The following SLC25A3 variants were observed in gnomAD, a reference collection of about 807,000 sequenced individuals.
SLC25A3 encodes the protein phosphate transport protein.
In SLC25A3, 14 loss-of-function variants were observed where a neutral mutation model predicts 37.1. The observed-to-expected ratio is 0.38, with a 90% CI of 0.25 to 0.59. The LOEUF (loss-of-function observed/expected upper bound fraction) is 0.59, where lower values mean the gene tolerates loss of function less well. Among genes scored for constraint, SLC25A3 ranks in the 20% least tolerant of loss-of-function variants. The pLI is 0.67. For synonymous variants in SLC25A3, 161 were observed against 168.7 expected, an observed-to-expected ratio of 0.95 and a Z score of 0.36; for missense variants, 385 against 458.1, an observed-to-expected ratio of 0.84 and a Z score of 1.46.
chr12:98,598,933 G>A (rs1212422856), intron 5 of SLC25A3, among the ~76,000 whole-genome samples: 1 of 151,606 alleles, frequency 6.6e-6, no homozygotes, highest in African/African-American at 2.4e-5. Context: ...CTGCCACTGC[G>A]CCCAGCTAAT....
At position 98,595,780 on chromosome 12, in the gene SLC25A3, G is replaced by A; in HGVS notation, c.211G>A (p.Gly71Arg). 6.2e-7 allele frequency: 1 copy of A among 1,614,180 alleles called. No individual in the cohort carries two copies. The highest frequency in any genetic ancestry group is 8.5e-7 in the Non-Finnish European group (1 of 1,180,020). ...GTATTATGCACTGTGTGGCTTTGGT[G>A]GGGTCTTAAGTTGTGGTCTGACACA... ...AKYYALCGFG[G>R]VLSCGLTHTA... is the part of the protein sequence containing the mutation. Residue 71 changes from glycine (G) to arginine (R), a missense_variant, in exon 3 of 8, where the codon GGG (glycine) becomes AGG (arginine). By Grantham distance (125) the Gly-to-Arg change is moderately radical. This residue lies in a region of SLC25A3 where 276 missense variants were observed against 367.6 expected (regional missense o/e 0.75). Transcript: ENST00000552981.
intron 6 of SLC25A3, 84 bp from the exon 7 acceptor site, chr12:98,601,086 TA>T: frequency 6.8e-7 from 1 of 1,467,600 alleles, no homozygotes; most frequent in South Asian, 1.3e-5. Context: ...AGAAAAATAT[TA>T]TTTTAAAATC....
Position 98,603,048 on chromosome 12 carries a change from T to C in SLC25A3, c.*1520T>C, listed in dbSNP as rs1327083180. On this transcript the variant is annotated 3_prime_UTR_variant, in exon 8 of 8. Coordinates refer to ENST00000552981, the MANE Select transcript of SLC25A3 (RefSeq NM_002635.4). ...GTAGGTACAAATTTGGACCAAACTT[T>C]AAAAAGGTAAAGTAGGATGTCTTCT... is the stretch of plus-strand genomic sequence containing the variant. 6.6e-6 allele frequency: 1 copy of C among 152,218 alleles called. No individual in the cohort carries two copies. Among genetic ancestry groups the C allele is most frequent in the Non-Finnish European group, 1.5e-5 (1 of 68,034 alleles). 9.4% of individuals were successfully genotyped at this position (152,218 alleles called of 1,614,324 possible).
In SLC25A3 at chr12:98,601,467, C is replaced by T. The variant is rs563726277; in HGVS notation, c.1025C>T (p.Pro342Leu). The change falls in exon 8 of 8, where the codon CCT becomes CTT. Residue 342 changes from proline to leucine, a missense_variant. This residue lies in a region of SLC25A3 where 276 missense variants were observed against 367.6 expected (regional missense o/e 0.75). Coordinates refer to ENST00000552981, the MANE Select transcript of SLC25A3 (RefSeq NM_002635.4). ...TCCGTGAAGGTCTACTTCAGACTTC[C>T]TCGCCCTCCTCCACCCGAGATGCCA... The part of the protein sequence containing the change: ...YDSVKVYFRL[P>L]RPPPPEMPES... 2 of 1,613,994 alleles carry T rather than the reference C, an allele frequency of 1.2e-6. No homozygotes were observed. Among genetic ancestry groups the T allele is most frequent in the Middle Eastern group, 1.6e-4 (1 of 6,062 alleles).
rs999055494 is a variant in SLC25A3, at chr12:98,603,582, C to T, written c.*2054C>T. 3.3e-5 allele frequency: 5 copies of T among 152,200 alleles called. No individual in the cohort carries two copies. Among genetic ancestry groups the T allele is most frequent in the African/African-American group, 1.2e-4 (5 of 41,438 alleles). 9.4% of individuals were successfully genotyped at this position (152,200 alleles called of 1,614,324 possible). On this transcript the variant is annotated 3_prime_UTR_variant, in exon 8 of 8. Coordinates refer to ENST00000552981, the MANE Select transcript of SLC25A3 (RefSeq NM_002635.4). ...GCCAACGTGAAAGTGGACCGTAGAT[C>T]TAAAACATTTTGGGTATGCAGTTCA...
rs1392461602 is a variant in SLC25A3, at chr12:98,601,251, T to G, written c.895T>G (p.Ser299Ala). 2.5e-6 allele frequency: 4 copies of G among 1,614,070 alleles called. No individual in the cohort carries two copies. The highest frequency in any genetic ancestry group is 4.5e-5 in the East Asian group (2 of 44,892). The change falls in exon 7 of 8, where the codon TCT becomes GCT. Residue 299 changes from serine (S) to alanine (A), a missense_variant. Transcript: ENST00000552981. ...GAATAAAGAAAAAGGTAGCAGTGCT[T>G]CTCTGGTCCTCAAGAGACTTGGATT... ...VLNKEKGSSA[S>A]LVLKRLGFKG...
Position 98,601,293 on chromosome 12 carries a change from T to G in SLC25A3, c.925+12T>G. ...ACTTGGATTTAAAGGTAGGATGATG[T>G]TTTTTTCTTGAAAGAAAGAACAACA... On this transcript the variant is annotated intron_variant, in intron 7 of 7. Transcript: ENST00000552981. 1 of 1,614,050 alleles carries G rather than the reference T, an allele frequency of 6.2e-7. No individual in the cohort carries two copies. The highest frequency in any genetic ancestry group is 8.5e-7 in the Non-Finnish European group (1 of 1,179,962).
intron 2 of SLC25A3, 82 bp downstream of exon 2, chr12:98,594,217 G>A (rs968638557): frequency 8.6e-7 from 1 of 1,164,828 alleles, no homozygotes; most frequent in Non-Finnish European, 1.2e-6. Flanking sequence ...CGGCTTGGAG[G>A]ACAGGGAAGG....
At position 98,598,696 on chromosome 12, in the gene SLC25A3, C is replaced by A. The variant is rs2097595110; in HGVS notation, c.634C>A (p.Leu212Ile). 1.1e-5 allele frequency: 18 copies of A among 1,613,460 alleles called. No homozygotes were observed. Among genetic ancestry groups the A allele is most frequent in the Non-Finnish European group, 1.5e-5 (18 of 1,179,468 alleles). Residue 212 changes from leucine (L) to isoleucine (I), a missense_variant, in exon 5 of 8, where the codon CTA (leucine) becomes ATA (isoleucine). By Grantham distance (5) the Leu-to-Ile change is conservative. Around this residue, in one of 2 missense-constraint regions of SLC25A3, gnomAD observed 276 missense variants for 367.6 expected, o/e 0.75. Transcript: ENST00000552981. ...TCCCAAAATGTATAAGGAAGAAGGCCTAAAAGCGTAAGTAAACACTTAAAA... is the reference window on the plus strand; with the variant it reads ...TCCCAAAATGTATAAGGAAGAAGGCATAAAAGCGTAAGTAAACACTTAAAA... ...AAPKMYKEEGLKAFYKGVAPL... is the reference protein window; with the variant it reads ...AAPKMYKEEGIKAFYKGVAPL...
rs1465291621 is a variant in SLC25A3, at chr12:98,602,661, G to C, written c.*1133G>C. On this transcript the variant is annotated 3_prime_UTR_variant, in exon 8 of 8. Transcript: ENST00000552981. ...GTTTTTGTGTTTAGATTCCCCTTAA[G>C]TTTGATTAGGAAGTGTATAAAAGTT... 1 of 152,034 alleles carries C rather than the reference G, an allele frequency of 6.6e-6. No homozygotes were observed. Among genetic ancestry groups the C allele is most frequent in the Non-Finnish European group, 1.5e-5 (1 of 68,014 alleles). The allele number at this position is 152,034 out of a possible 1,614,324, so 9.4% of individuals were successfully genotyped here. A position where few individuals can be genotyped will look rare whatever the true frequency, so the allele number is the denominator to read the frequency against.
rs976558362 is a variant in SLC25A3 at position 98,605,401 on chromosome 12, C to T, written c.*3873C>T. 6.8e-6 allele frequency: 1 copy of T among 147,374 alleles called. No homozygotes were observed. Among genetic ancestry groups the T allele is most frequent in the Non-Finnish European group, 1.5e-5 (1 of 66,590 alleles). 9.1% of individuals were successfully genotyped at this position (147,374 alleles called of 1,614,324 possible). A position where few individuals can be genotyped will look rare whatever the true frequency, so the allele number is the denominator to read the frequency against. On this transcript the variant is annotated 3_prime_UTR_variant, in exon 8 of 8. Transcript: ENST00000552981. ...TCCAGCCTGGGCGACAGAGTGAAAC[C>T]CTGTCTCAAAAAAAAAGTAACATTT...
intron 3 of SLC25A3, 139 bp from the exon 4 acceptor site, chr12:98,597,717 C>A: frequency 8.2e-7 from 1 of 1,221,102 alleles, no homozygotes. Flanking sequence ...AGCCACCGTG[C>A]CTGGCAGGAA....
intron 4 of SLC25A3, 92 bp downstream of exon 4, chr12:98,598,127 T>G: frequency 7.8e-7 from 1 of 1,275,832 alleles, no homozygotes; most frequent in Non-Finnish European, 1.1e-6. Flanking sequence ...ATTTTAGCAC[T>G]GAAGAAAATG....
chr12:98,599,734 A>G, intron 5 of SLC25A3: 1 of 707,716 alleles, frequency 1.4e-6, no homozygotes, highest in Non-Finnish European at 2.6e-6. Context: ...AGAAACATCC[A>G]GCAACTTTTT....
In SLC25A3 at chr12:98,604,263, A is replaced by ATATATATATATATATATAT. The variant is rs1555209327; in HGVS notation, c.*2735_*2736insTATATATATATATATATAT. 3.0e-5 allele frequency: 4 copies of ATATATATATATATATATAT among 134,592 alleles called. No homozygotes were observed. Among genetic ancestry groups the ATATATATATATATATATAT allele is most frequent in the African/African-American group, 1.1e-4 (4 of 34,844 alleles). The allele number at this position is 134,592 out of a possible 1,614,324, so 8.3% of individuals were successfully genotyped here. A position where few individuals can be genotyped will look rare whatever the true frequency, so the allele number is the denominator to read the frequency against. ...GCGAAACTCTGTCTCAAAAAAAAAA[A>ATATATATATATATATATAT]ATATATATATATATATATATATATG... On this transcript the variant is annotated 3_prime_UTR_variant, in exon 8 of 8. Coordinates refer to ENST00000552981, the MANE Select transcript of SLC25A3 (RefSeq NM_002635.4).
Position 98,595,778 on chromosome 12 carries a change from G to A in SLC25A3, c.209G>A (p.Gly70Asp). 1 of 1,614,208 alleles carries A rather than the reference G, an allele frequency of 6.2e-7. No individual in the cohort carries two copies. Among genetic ancestry groups the A allele is most frequent in the Non-Finnish European group, 8.5e-7 (1 of 1,180,026 alleles). ...SAKYYALCGFGGVLSCGLTHT... is the reference protein window; with the variant it reads ...SAKYYALCGFDGVLSCGLTHT... ...AAGTATTATGCACTGTGTGGCTTTG[G>A]TGGGGTCTTAAGTTGTGGTCTGACA... Residue 70 changes from glycine (G) to aspartate (D), a missense_variant, in exon 3 of 8, where the codon GGT becomes GAT. Physicochemically the swap from Gly to Asp is moderately conservative, Grantham distance 94. Coordinates refer to ENST00000552981, the MANE Select transcript of SLC25A3 (RefSeq NM_002635.4).
At position 98,605,098 on chromosome 12, in the gene SLC25A3, G is replaced by A. The variant is rs1268830441; in HGVS notation, c.*3570G>A. The A allele has an allele frequency of 4.6e-5, 7 of 152,040 alleles. No homozygotes were observed. Among genetic ancestry groups the A allele is most frequent in the African/African-American group, 1.7e-4 (7 of 41,400 alleles). The allele number at this position is 152,040 out of a possible 1,614,324, so 9.4% of individuals were successfully genotyped here. On this transcript the variant is annotated 3_prime_UTR_variant, in exon 8 of 8. Transcript: ENST00000552981. ...TATTTTTTATATTTTTATTTTATTTGATCCTTGTTCTGAAACCATAAAGTG... is the reference window on the plus strand; with the variant it reads ...TATTTTTTATATTTTTATTTTATTTAATCCTTGTTCTGAAACCATAAAGTG...
Position 98,604,913 on chromosome 12 carries a change from C to G in SLC25A3, c.*3385C>G, listed in dbSNP as rs1406139776. ...AATAACTGGGACTGCAAGTGTGGAC[C>G]ACCATGTCTGGCTAATGTTTTTTAT... On this transcript the variant is annotated 3_prime_UTR_variant, in exon 8 of 8. Coordinates refer to ENST00000552981, the MANE Select transcript of SLC25A3 (RefSeq NM_002635.4). 7.2e-5 allele frequency: 11 copies of G among 152,424 alleles called. No individual in the cohort carries two copies. The highest frequency in any genetic ancestry group is 4.4e-5 in the Non-Finnish European group (3 of 68,254). 9.4% of individuals were successfully genotyped at this position (152,424 alleles called of 1,614,324 possible). A position where few individuals can be genotyped will look rare whatever the true frequency, so the allele number is the denominator to read the frequency against.
chr12:98,597,561 T>A (rs981436934), intron 3 of SLC25A3: 27 of 361,504 alleles, frequency 7.5e-5, no homozygotes, highest in African/African-American at 4.9e-4. Context: ...GTAGCTGGGA[T>A]TACAGGTGCA....
Sources: allele counts gnomAD v4.1 joint callset (sites outside exome capture counted in the v4.1 genomes callset), GRCh38; gene constraint gnomAD v4.1.1; regional missense constraint gnomAD v4.1.1; transcripts MANE v1.5; gene names NCBI Gene and HGNC (gene_info 2026-07-23, HGNC 2026-07-21).